BEX5: variants seen among roughly 807,000 people sequenced by gnomAD.
BEX5 encodes the protein protein BEX5.
In BEX5, 2 loss-of-function variants were observed where a neutral mutation model predicts 1.4. That is an observed-to-expected ratio of 1.42 (90% CI 0.58 to 4.47). The LOEUF is 4.47. Among genes scored for constraint, BEX5 ranks in the 30% most tolerant of loss-of-function variants. The probability of loss-of-function intolerance (pLI) is 0.06; values close to 1 mark genes in which losing one functional copy is unlikely to be tolerated. For synonymous variants in BEX5, 32 were observed against 30.0 expected (o/e 1.07, Z -0.21); for missense variants, 97 against 87.3 (o/e 1.11, Z -0.44).
chrX:102,154,763 T>A lies in BEX5; in HGVS notation c.-57A>T, dbSNP rs1556369934. 1 of 112,769 alleles carries A rather than the reference T, an allele frequency of 8.9e-6. No homozygotes were observed. Among genetic ancestry groups the A allele is most frequent in the African/African-American group, 3.3e-5 (1 of 30,614 alleles). 9.3% of individuals were successfully genotyped at this position (112,769 alleles called of 1,213,427 possible). On this transcript the variant is annotated 5_prime_UTR_variant, in exon 2 of 3. Transcript: ENST00000333643. Reference sequence around the variant, plus strand: ...TCCTACCTTCAGGGATCAGAGGCAGTCTTTCTCTCTTAGCCTTGAAATCGG... The same window carrying A: ...TCCTACCTTCAGGGATCAGAGGCAGACTTTCTCTCTTAGCCTTGAAATCGG...
At chrX:102,154,678 G>A (rs1933230929) in intron 2 of BEX5, 66 bp downstream of exon 2, 1 of 119,518 alleles carries the variant, frequency 8.4e-6, no homozygotes, top group African/African-American at 3.3e-5. Flanking sequence ...GAAGGGCTGT[G>A]AGTCACCCAG....
intron 1 of BEX5, among the ~76,000 whole-genome samples, chrX:102,155,060 T>A (rs1933236522): frequency 8.9e-6 from 1 of 111,899 alleles, no homozygotes; most frequent in Non-Finnish European, 1.9e-5. Context: ...TGTCATCTAG[T>A]TACCCTTTCT....
In BEX5 at chrX:102,154,290, T is replaced by A; in HGVS notation, c.-25A>T. ...TGTTGAGTTTTTTTCCTGTTTTTTT[T>A]TTTTTTTTCTTCCTAGAAGATAAAA... On this transcript the variant is annotated 5_prime_UTR_variant, in exon 3 of 3. Transcript: ENST00000333643. 1 of 1,109,922 alleles carries A rather than the reference T, an allele frequency of 9.0e-7. No individual in the cohort carries two copies. The highest frequency in any genetic ancestry group is 1.2e-6 in the Non-Finnish European group (1 of 836,155). The allele number at this position is 1,109,922 out of a possible 1,213,427, so 91.5% of individuals were successfully genotyped here. A position where few individuals can be genotyped will look rare whatever the true frequency, so the allele number is the denominator to read the frequency against.
chrX:102,155,048 C>T (rs1239826079), intron 1 of BEX5, among the ~76,000 whole-genome samples: 1 of 111,882 alleles, frequency 8.9e-6, no homozygotes, highest in Non-Finnish European at 1.9e-5. Context: ...TTTCCTCTTA[C>T]CTGTCATCTA....
intron 2 of BEX5, 126 bp from the exon 3 acceptor site, chrX:102,154,428 C>T: frequency 2.4e-6 from 1 of 423,820 alleles, no homozygotes; most frequent in Non-Finnish European, 3.9e-6. Flanking sequence ...CCAGCGCTGC[C>T]CCAAAGCCCA....
In BEX5 at chrX:102,154,100, C is replaced by T; in HGVS notation, c.166G>A (p.Asp56Asn). ...TCTCCATCTATCATATCAATGTTAT[C>T]GACAAGCCTATTGGGCACATCCTCT... ...FGEDVPNRLV[D>N]NIDMIDGDGD... The change falls in exon 3 of 3, where the codon GAT becomes AAT. Residue 56 changes from aspartate to asparagine, a missense_variant. Physicochemically the swap from Asp to Asn is conservative, Grantham distance 23. Coordinates refer to ENST00000333643, the MANE Select transcript of BEX5 (RefSeq NM_001012978.3). 8.3e-7 allele frequency: 1 copy of T among 1,210,438 alleles called. No homozygotes were observed. The highest frequency in any genetic ancestry group is 1.1e-6 in the Non-Finnish European group (1 of 895,283).
Position 102,153,872 on chromosome X carries a change from A to T in BEX5, c.*58T>A, listed in dbSNP as rs909280874. On this transcript the variant is annotated 3_prime_UTR_variant, in exon 3 of 3. Transcript: ENST00000333643. Reference sequence around the variant, plus strand: ...ATGCCAAAAGGTTCACATTAAAGGTACACCAGGAAAAATGCGAATTTAGAA... The same window carrying T: ...ATGCCAAAAGGTTCACATTAAAGGTTCACCAGGAAAAATGCGAATTTAGAA... 2.4e-5 allele frequency: 25 copies of T among 1,020,913 alleles called. No individual in the cohort carries two copies. The highest frequency in any genetic ancestry group is 2.9e-5 in the Non-Finnish European group (22 of 751,046). The allele number at this position is 1,020,913 out of a possible 1,213,427, so 84.1% of individuals were successfully genotyped here. A position where few individuals can be genotyped will look rare whatever the true frequency, so the allele number is the denominator to read the frequency against.
chrX:102,154,567 C>A (rs782420728), intron 2 of BEX5, among the ~76,000 whole-genome samples, 177 bp downstream of exon 2: 7 of 103,691 alleles, frequency 6.8e-5, no homozygotes, highest in Non-Finnish European at 9.8e-5. Context: ...TCTCCAGGAG[C>A]GCCCCAGATC....
rs376687678 is a variant in BEX5, at chrX:102,155,436, T to G, written c.-105+423A>C. 1.6e-4 allele frequency among the ~76,000 whole-genome samples: 18 copies of G among 111,607 alleles called. 3 individuals carry two copies. The highest frequency in any genetic ancestry group is 8.5e-4 in the East Asian group (3 of 3,531). On this transcript the variant is annotated intron_variant, in intron 1 of 2. Transcript: ENST00000333643. ...ATAGGGACCTGCTTTCCAGACCTAA[T>G]CTCTGTCCCCCTCCTCTGCAGCAAT... is the stretch of plus-strand genomic sequence containing the variant.
At chrX:102,154,662 G>C (rs904703606) in intron 2 of BEX5, 82 bp downstream of exon 2, 33 of 121,623 alleles carry the variant, frequency 2.7e-4, no homozygotes, top group Non-Finnish European at 5.0e-4. Context: ...CACTCAACTC[G>C]GGCAGGAAGG....
chrX:102,154,154 C>A lies in BEX5; in HGVS notation c.112G>T (p.Val38Phe). ...YQEPGGNVKG[V>F]WAPPAPGFGE... Reference sequence around the variant, plus strand: ...AAACCCGGGGCAGGTGGAGCCCAAACCCCTTTAACATTTCCTCCAGGCTCC... The same window carrying A: ...AAACCCGGGGCAGGTGGAGCCCAAAACCCTTTAACATTTCCTCCAGGCTCC... The change falls in exon 3 of 3, where the codon GTT (valine) becomes TTT (phenylalanine). Residue 38 changes from valine (V) to phenylalanine (F), a missense_variant. Val to Phe is a conservative substitution (Grantham distance 50). Coordinates refer to ENST00000333643, the MANE Select transcript of BEX5 (RefSeq NM_001012978.3). 1 of 1,211,305 alleles carries A rather than the reference C, an allele frequency of 8.3e-7. No homozygotes were observed. Among genetic ancestry groups the A allele is most frequent in the Non-Finnish European group, 1.1e-6 (1 of 895,396 alleles).
rs56933072 is a variant in BEX5, at chrX:102,154,282, GTTTTT to G, written c.-22_-18del. The G allele has an allele frequency of 1.6e-4, 155 of 970,011 alleles. No individual in the cohort carries two copies. Among genetic ancestry groups the G allele is most frequent in the Non-Finnish European group, 2.0e-4 (148 of 731,729 alleles). The allele number at this position is 970,011 out of a possible 1,213,427, so 79.9% of individuals were successfully genotyped here. A position where few individuals can be genotyped will look rare whatever the true frequency, so the allele number is the denominator to read the frequency against. On this transcript the variant is annotated 5_prime_UTR_variant, in exon 3 of 3. Transcript: ENST00000333643. ...ATTTTCCATGTTGAGTTTTTTTCCT[GTTTTT>G]TTTTTTTTTTTCTTCCTAGAAGATA...
chrX:102,154,449 T>G (rs1933227362), intron 2 of BEX5, 147 bp from the exon 3 acceptor site: 1 of 402,387 alleles, frequency 2.5e-6, no homozygotes, highest in Non-Finnish European at 4.2e-6. Flanking sequence ...TCATTTTCCC[T>G]GAAAATCCCT....
At position 102,155,186 on chromosome X, in the gene BEX5, C is replaced by T. The variant is rs79092313; in HGVS notation, c.-104-376G>A. Among the ~76,000 whole-genome samples the T allele has an allele frequency of 2.0e-3, 218 of 111,312 alleles. 4 individuals are homozygous for T. In the East Asian group the frequency reaches 0.058, roughly 29 times the overall value. On this transcript the variant is annotated intron_variant, in intron 1 of 2. Coordinates refer to ENST00000333643, the MANE Select transcript of BEX5 (RefSeq NM_001012978.3). ...CATCAGGCCCTCTCTCCACCCGATC[C>T]CCACTCCCATGCCCACCATTTTATG... is the stretch of plus-strand genomic sequence containing the variant.
chrX:102,155,045 T>C (rs1473509593), intron 1 of BEX5, among the ~76,000 whole-genome samples: 3 of 111,774 alleles, frequency 2.7e-5, no homozygotes, highest in African/African-American at 9.8e-5. Flanking sequence ...CTGTTTCCTC[T>C]TACCTGTCAT....
chrX:102,154,253 G>T lies in BEX5; in HGVS notation c.13C>A (p.Pro5Thr), dbSNP rs1556369753. Residue 5 changes from proline (P) to threonine (T), a missense_variant, in exon 3 of 3, where the codon CCC becomes ACC. By Grantham distance (38) the Pro-to-Thr change is conservative. Transcript: ENST00000333643. ...TTCTCCACAACTTTGTTTTCCTTGG[G>T]GACATTTTCCATGTTGAGTTTTTTT... is the stretch of plus-strand genomic sequence containing the variant. MENV[P>T]KENKVVEKAP... 1.7e-6 allele frequency: 2 copies of T among 1,152,847 alleles called. No individual in the cohort carries two copies. The highest frequency in any genetic ancestry group is 3.1e-5 in the East Asian group (1 of 32,739).
rs1203856709 is a variant in BEX5, at chrX:102,153,713, G to A, written c.*217C>T. The A allele has an allele frequency of 6.1e-6, 2 of 329,989 alleles. No homozygotes were observed. Among genetic ancestry groups the A allele is most frequent in the Admixed American group, 1.1e-4 (2 of 18,038 alleles). 27.2% of individuals were successfully genotyped at this position (329,989 alleles called of 1,213,427 possible). ...AAATGAAATAGTCTATCTGTAGACT[G>A]CTTTTAAATTGCTTTATTAACTTTA... On this transcript the variant is annotated 3_prime_UTR_variant, in exon 3 of 3. Coordinates refer to ENST00000333643, the MANE Select transcript of BEX5 (RefSeq NM_001012978.3).
Position 102,153,943 on chromosome X carries a change from C to A in BEX5, c.323G>T (p.Cys108Phe). The A allele has an allele frequency of 8.3e-7, 1 of 1,204,344 alleles. No individual in the cohort carries two copies. Among genetic ancestry groups the A allele is most frequent in the Non-Finnish European group, 1.1e-6 (1 of 891,609 alleles). The change falls in exon 3 of 3, where the codon TGC becomes TTC. Residue 108 changes from cysteine to phenylalanine, a missense_variant. Coordinates refer to ENST00000333643, the MANE Select transcript of BEX5 (RefSeq NM_001012978.3). ...PPHHDHHDEF[C>F]LMP ...TAACCTCAAGATTCAAGGCATAAGG[C>A]AAAACTCATCATGATGATCATGGTG...
At chrX:102,154,671 G>A (rs781927486) in intron 2 of BEX5, 73 bp downstream of exon 2, 3 of 121,083 alleles carry the variant, frequency 2.5e-5, no homozygotes, top group Non-Finnish European at 5.0e-5. Context: ...CGGGCAGGAA[G>A]GGCTGTGAGT....
Sources: gnomAD v4.1 joint callset for allele counts (sites outside exome capture counted in the v4.1 genomes callset) on GRCh38, gnomAD v4.1.1 for gene constraint, MANE v1.5 for transcripts, NCBI Gene and HGNC (gene_info 2026-07-23, HGNC 2026-07-21) for gene names.